The following SHISA9 variants were observed in gnomAD, a reference collection of about 807,000 sequenced individuals.
SHISA9 encodes protein shisa-9.
SHISA9 carries 13 observed loss-of-function variants against 38.0 expected under a neutral mutation model. The observed-to-expected ratio is 0.34, with a 90% CI of 0.22 to 0.54. SHISA9 has a LOEUF of 0.54. Ranked by LOEUF, SHISA9 falls within the 20% of genes least tolerant of loss-of-function variation. The pLI is 0.91. For synonymous variants in SHISA9, 275 were observed against 242.0 expected, an observed-to-expected ratio of 1.14 and a Z score of -1.27; for missense variants, 538 against 575.8, an observed-to-expected ratio of 0.93 and a Z score of 0.67.
chr16:13,414,081 A>G, the SHISA9 span, among the ~76,000 whole-genome samples: 1 of 152,118 alleles, frequency 6.6e-6, no homozygotes, highest in Non-Finnish European at 1.5e-5. Flanking sequence ...TCTTTTCCCC[A>G]TGAGTTGAAT....
intron 2 of SHISA9, among the ~76,000 whole-genome samples, chr16:13,044,149 A>G (rs924794931): frequency 1.3e-5 from 2 of 152,158 alleles, no homozygotes; most frequent in African/African-American, 2.4e-5. Flanking sequence ...CCTCTAGGGA[A>G]GGGGTCCTAA....
chr16:13,186,288 C>CTT (rs113608898), intron 2 of SHISA9, among the ~76,000 whole-genome samples: 95 of 104,298 alleles, frequency 9.1e-4, no homozygotes, highest in African/African-American at 1.4e-3. Flanking sequence ...CCATCTTAAC[C>CTT]TTTTTTTTTT....
chr16:13,082,040 G>T (rs375615838), intron 2 of SHISA9, among the ~76,000 whole-genome samples: 3 of 151,976 alleles, frequency 2.0e-5, no homozygotes, highest in African/African-American at 7.3e-5. Context: ...GGGAGTTACC[G>T]CCAACTCATT....
intron 2 of SHISA9, among the ~76,000 whole-genome samples, chr16:13,011,318 CAT>C (rs1491181758): frequency 7.6e-6 from 1 of 131,152 alleles, no homozygotes; most frequent in East Asian, 2.6e-4. Flanking sequence ...TATTAGCACT[CAT>C]TTTTTTTTTT....
chr16:13,273,951 C>G, the SHISA9 span, among the ~76,000 whole-genome samples: 15 of 152,034 alleles, frequency 9.9e-5, no homozygotes, highest in Non-Finnish European at 1.6e-4. Flanking sequence ...CTGAAAATAC[C>G]ACTGTTGAAA....
chr16:13,186,454 CACCCGGCTA>C (rs944171055), intron 2 of SHISA9, among the ~76,000 whole-genome samples: 3 of 151,740 alleles, frequency 2.0e-5, no homozygotes, highest in Non-Finnish European at 4.4e-5. Context: ...CATGCCACCA[CACCCGGCTA>C]ATTTTTGTAT....
chr16:13,507,604 G>T, the SHISA9 span, among the ~76,000 whole-genome samples: 1 of 152,130 alleles, frequency 6.6e-6, no homozygotes, highest in South Asian at 2.1e-4. Context: ...CCTGGACCAT[G>T]CATTTAAGAA....
intron 2 of SHISA9, among the ~76,000 whole-genome samples, chr16:12,987,022 A>T (rs1385563356): frequency 6.6e-6 from 1 of 152,164 alleles, no homozygotes; most frequent in East Asian, 1.9e-4. Context: ...GAGGACAGGG[A>T]CTGTTTCCTG....
chr16:13,510,478 C>G, the SHISA9 span, among the ~76,000 whole-genome samples: 13 of 152,134 alleles, frequency 8.5e-5, no homozygotes, highest in Non-Finnish European at 1.6e-4. Context: ...GAGAAACATC[C>G]ATAATAATTC....
chr16:12,940,116 T>C (rs761230560), intron 2 of SHISA9, among the ~76,000 whole-genome samples: 3 of 152,204 alleles, frequency 2.0e-5, no homozygotes, highest in Non-Finnish European at 2.9e-5. Flanking sequence ...GAATTTTTGA[T>C]TGGATGATCT....
At chr16:13,296,891 C>CAA in the SHISA9 span, among the ~76,000 whole-genome samples, 143 of 26,596 alleles carry the variant, frequency 5.4e-3, 2 homozygotes, top group East Asian at 8.6e-3. Flanking sequence ...AACTCCATCT[C>CAA]AAAAAAAAAA....
At chr16:13,332,946 G>A in the SHISA9 span, among the ~76,000 whole-genome samples, 1 of 152,184 alleles carries the variant, frequency 6.6e-6, no homozygotes, top group Non-Finnish European at 1.5e-5. Context: ...GCCGGAGCTG[G>A]TCTGTCCTCT....
chr16:12,970,196 T>A (rs2072036497), intron 2 of SHISA9, among the ~76,000 whole-genome samples: 1 of 147,576 alleles, frequency 6.8e-6, no homozygotes, highest in African/African-American at 2.5e-5. Context: ...CAATGACAGA[T>A]TTAGGGGGTA....
At chr16:13,209,132 T>C (rs2051094741) in intron 3 of SHISA9, among the ~76,000 whole-genome samples, 1 of 152,156 alleles carries the variant, frequency 6.6e-6, no homozygotes, top group South Asian at 2.1e-4. Context: ...AATTTGATGA[T>C]ATAGTGTAGG....
intron 2 of SHISA9, among the ~76,000 whole-genome samples, chr16:13,078,180 GGGGATT>G (rs1403284593): frequency 6.6e-6 from 1 of 152,194 alleles, no homozygotes; most frequent in African/African-American, 2.4e-5. Context: ...AGTATCCGCA[GGGGATT>G]GGTTCCAGGA....
intron 2 of SHISA9, among the ~76,000 whole-genome samples, chr16:13,122,918 G>T (rs777429294): frequency 3.3e-5 from 5 of 152,234 alleles, no homozygotes; most frequent in African/African-American, 1.2e-4. Context: ...GTGGTGGCAG[G>T]TGCCTGTAGT....
the SHISA9 span, among the ~76,000 whole-genome samples, chr16:13,491,360 ATAAT>A: frequency 6.6e-6 from 1 of 151,192 alleles, no homozygotes; most frequent in Admixed American, 6.6e-5. Context: ...ACCTCAAGGA[ATAAT>A]TATTTACTTT....
chr16:13,464,731 T>C, the SHISA9 span, among the ~76,000 whole-genome samples: 1 of 152,188 alleles, frequency 6.6e-6, no homozygotes, highest in South Asian at 2.1e-4. Flanking sequence ...GTTGAGTGCT[T>C]ACTAAGTACT....
At chr16:13,206,301 T>A (rs951930243) in intron 3 of SHISA9, among the ~76,000 whole-genome samples, 2 of 152,186 alleles carry the variant, frequency 1.3e-5, no homozygotes, top group African/African-American at 4.8e-5. Flanking sequence ...ACCATATACT[T>A]TCTTTTATTA....
Sources: gnomAD v4.1 joint callset for allele counts (sites outside exome capture counted in the v4.1 genomes callset) on GRCh38, gnomAD v4.1.1 for gene constraint, MANE v1.5 for transcripts, NCBI Gene and HGNC (gene_info 2026-07-23, HGNC 2026-07-21) for gene names.